The following CSMD1 variants were observed in gnomAD, a reference collection of about 807,000 sequenced individuals.
The protein encoded by CSMD1 is CUB and Sushi multiple domains 1, also known as CUB and sushi domain-containing protein 1.
CSMD1 carries 213 observed loss-of-function variants against 417.5 expected under a neutral mutation model. The observed-to-expected ratio is 0.51, with a 90% CI of 0.46 to 0.57. The LOEUF (loss-of-function observed/expected upper bound fraction) is 0.57. Ranked by LOEUF, CSMD1 falls within the 20% of genes least tolerant of loss-of-function variation. The probability of loss-of-function intolerance (pLI) is 0.00; values close to 1 mark genes in which losing one functional copy is unlikely to be tolerated. For synonymous variants in CSMD1, 2,862 were observed against 1,736.8 expected (o/e 1.65, Z -16.11); for missense variants, 6,923 against 4,529.7 (o/e 1.53, Z -15.17).
intron 3 of CSMD1, among the ~76,000 whole-genome samples, chr8:4,385,423 G>A (rs971330684): frequency 6.6e-6 from 1 of 152,118 alleles, no homozygotes; most frequent in African/African-American, 2.4e-5. Context: ...CTACAGCACT[G>A]ATTTCACTTA....
At chr8:3,996,033 G>A (rs972697245) in intron 5 of CSMD1, among the ~76,000 whole-genome samples, 5 of 152,144 alleles carry the variant, frequency 3.3e-5, no homozygotes, top group African/African-American at 1.2e-4. Context: ...ATCAATTGTT[G>A]CCATAAAGTG....
At chr8:4,400,747 G>C (rs993103885) in intron 3 of CSMD1, among the ~76,000 whole-genome samples, 1 of 147,260 alleles carries the variant, frequency 6.8e-6, no homozygotes, top group African/African-American at 2.5e-5. Flanking sequence ...CTCTAATAGA[G>C]TGCATACAGA....
At chr8:4,301,597 T>C (rs1423195552) in intron 3 of CSMD1, among the ~76,000 whole-genome samples, 1 of 152,200 alleles carries the variant, frequency 6.6e-6, no homozygotes, top group African/African-American at 2.4e-5. Flanking sequence ...TTGTCAAGAT[T>C]GTATAAGCTG....
chr8:4,635,148 G>T (rs2616998), intron 2 of CSMD1, among the ~76,000 whole-genome samples: 110,007 of 151,802 alleles, frequency 0.72, 40,215 homozygotes, highest in Admixed American at 0.81. Context: ...ACCTAAGTAG[G>T]CTCTTTCTTA....
chr8:3,598,628 G>A (rs1202367383), intron 8 of CSMD1, among the ~76,000 whole-genome samples: 2 of 152,116 alleles, frequency 1.3e-5, no homozygotes, highest in African/African-American at 4.8e-5. Context: ...GCTCAGTACA[G>A]TTCCTGAGGG....
chr8:4,670,373 T>C (rs1289215088), intron 1 of CSMD1, among the ~76,000 whole-genome samples: 2 of 152,142 alleles, frequency 1.3e-5, no homozygotes, highest in African/African-American at 4.8e-5. Flanking sequence ...AATAATGAAA[T>C]ACATGTTCTC....
At chr8:4,061,428 G>A (rs937275287) in intron 3 of CSMD1, among the ~76,000 whole-genome samples, 5 of 152,222 alleles carry the variant, frequency 3.3e-5, no homozygotes, top group Non-Finnish European at 5.9e-5. Flanking sequence ...CTTCCAACCT[G>A]TGAAACTTTT....
At chr8:3,093,975 G>C (rs1185209833) in intron 47 of CSMD1, among the ~76,000 whole-genome samples, 1 of 152,098 alleles carries the variant, frequency 6.6e-6, no homozygotes, top group Non-Finnish European at 1.5e-5. Context: ...CGTTTAAAAG[G>C]ATAATGTATA....
chr8:4,614,634 T>C (rs1192985895), intron 2 of CSMD1, among the ~76,000 whole-genome samples: 2 of 151,802 alleles, frequency 1.3e-5, no homozygotes, highest in Non-Finnish European at 2.9e-5. Flanking sequence ...CACGTACACG[T>C]ACACACACAT....
intron 5 of CSMD1, among the ~76,000 whole-genome samples, chr8:3,943,820 G>C (rs1292246189): frequency 6.6e-6 from 1 of 152,042 alleles, no homozygotes; most frequent in African/African-American, 2.4e-5. Context: ...CTCTCCAAAA[G>C]TGTAAAGGAT....
At chr8:3,164,479 A>G (rs1240496274) in intron 37 of CSMD1, among the ~76,000 whole-genome samples, 1 of 152,226 alleles carries the variant, frequency 6.6e-6, no homozygotes, top group East Asian at 1.9e-4. Flanking sequence ...TTCTTTTACT[A>G]ATGTAAGTCT....
intron 6 of CSMD1, among the ~76,000 whole-genome samples, chr8:3,719,999 A>G (rs547992007): frequency 3.3e-5 from 5 of 152,334 alleles, no homozygotes; most frequent in African/African-American, 1.2e-4. Flanking sequence ...ATTACATGAC[A>G]TGGCAAATAG....
intron 37 of CSMD1, among the ~76,000 whole-genome samples, chr8:3,174,606 A>G (rs1563110669): frequency 1.3e-5 from 2 of 152,160 alleles, no homozygotes; most frequent in African/African-American, 4.8e-5. Context: ...ATATAGAACT[A>G]AGAGCTTATC....
At chr8:3,074,293 C>T (rs1247673209) in intron 49 of CSMD1, among the ~76,000 whole-genome samples, 1 of 152,178 alleles carries the variant, frequency 6.6e-6, no homozygotes, top group Non-Finnish European at 1.5e-5. Flanking sequence ...CCTAGAAGAG[C>T]CCGTCTGGTG....
chr8:3,483,142 G>T (rs1396198098), intron 11 of CSMD1, among the ~76,000 whole-genome samples: 1 of 151,880 alleles, frequency 6.6e-6, no homozygotes. Context: ...TAATGAAATA[G>T]AAATAGATAA....
At chr8:3,982,350 A>G (rs1035108292) in intron 5 of CSMD1, among the ~76,000 whole-genome samples, 11 of 151,764 alleles carry the variant, frequency 7.2e-5, no homozygotes, top group Non-Finnish European at 1.6e-4. Context: ...TCACCTGCAA[A>G]ATGAGGATAA....
chr8:3,528,119 ATTCT>A (rs1797830183), intron 10 of CSMD1, among the ~76,000 whole-genome samples: 3 of 152,250 alleles, frequency 2.0e-5, no homozygotes, highest in African/African-American at 7.2e-5. Context: ...CTGGAAAGTG[ATTCT>A]TTATTTTACA....
chr8:3,188,697 A>T (rs1796236916), intron 35 of CSMD1, among the ~76,000 whole-genome samples, 190 bp downstream of exon 35: 1 of 152,072 alleles, frequency 6.6e-6, no homozygotes, highest in South Asian at 2.1e-4. Context: ...ATGGTTAGAA[A>T]TATTTTGTTG....
In CSMD1 at chr8:4,099,109, G is replaced by C. The variant is rs187148081; in HGVS notation, c.416-67010C>G. Among the ~76,000 whole-genome samples the C allele has an allele frequency of 2.3e-3, 344 of 147,742 alleles. 1 individual carries two copies. The highest frequency in any genetic ancestry group is 7.8e-3 in the African/African-American group (315 of 40,132). Reference sequence around the variant, plus strand: ...TTTTCATCTGTTTTTTTCTTTTTTTGTCCATCTCTGCTACCAGTGGATTCC... The same window carrying C: ...TTTTCATCTGTTTTTTTCTTTTTTTCTCCATCTCTGCTACCAGTGGATTCC... On this transcript the variant is annotated intron_variant, in intron 3 of 69. Coordinates refer to ENST00000635120, the MANE Select transcript of CSMD1 (RefSeq NM_033225.6).
Sources: gnomAD v4.1 joint callset for allele counts (sites outside exome capture counted in the v4.1 genomes callset) on GRCh38, gnomAD v4.1.1 for gene constraint, MANE v1.5 for transcripts, NCBI Gene and HGNC (gene_info 2026-07-23, HGNC 2026-07-21) for gene names.